DENND1B: variants seen among roughly 807,000 people sequenced by gnomAD.
DENND1B encodes the protein DENN domain containing 1B, also known as DENN domain-containing protein 1B.
DENND1B carries 59 observed loss-of-function variants against 90.1 expected under a neutral mutation model. The ratio of observed to expected loss-of-function variants is 0.65; its 90% CI spans 0.53 to 0.81. The LOEUF (loss-of-function observed/expected upper bound fraction) is 0.81. Among genes scored for constraint, DENND1B ranks in the 40% least tolerant of loss-of-function variants. The probability of loss-of-function intolerance (pLI) is 0.00; values close to 1 mark genes in which losing one functional copy is unlikely to be tolerated. For synonymous variants in DENND1B, 337 were observed against 324.6 expected (o/e 1.04, Z -0.41); for missense variants, 862 against 912.6 (o/e 0.94, Z 0.71).
At chr1:197,605,192 T>G (rs999654902) in intron 13 of DENND1B, among the ~76,000 whole-genome samples, 1 of 151,016 alleles carries the variant, frequency 6.6e-6, no homozygotes, top group Non-Finnish European at 1.5e-5. Flanking sequence ...AGATAGTCTC[T>G]TCTGTCATTT....
At chr1:197,610,141 C>T (rs1183140924) in intron 12 of DENND1B, among the ~76,000 whole-genome samples, 2 of 150,644 alleles carry the variant, frequency 1.3e-5, no homozygotes, top group African/African-American at 4.9e-5. Flanking sequence ...TAAAATAAGG[C>T]TGACTATTAA....
intron 10 of DENND1B, among the ~76,000 whole-genome samples, chr1:197,639,599 A>T (rs1680100470): frequency 6.6e-6 from 1 of 152,164 alleles, no homozygotes; most frequent in Non-Finnish European, 1.5e-5. Context: ...TTCCTCTAAA[A>T]ATTAAGAGTT....
intron 2 of DENND1B, chr1:197,735,771 C>T: frequency 6.2e-7 from 1 of 1,611,664 alleles, no homozygotes; most frequent in Non-Finnish European, 8.5e-7. Context: ...CAGGGGGAAT[C>T]CTCGGCAGAT....
At chr1:197,536,751 T>A (rs1453091527) in intron 20 of DENND1B, among the ~76,000 whole-genome samples, 1 of 152,090 alleles carries the variant, frequency 6.6e-6, no homozygotes, top group African/African-American at 2.4e-5. Flanking sequence ...TTAAGATATA[T>A]ACAACACAGA....
chr1:197,633,253 T>C (rs989247907), intron 10 of DENND1B, among the ~76,000 whole-genome samples: 2 of 152,208 alleles, frequency 1.3e-5, no homozygotes, highest in African/African-American at 4.8e-5. Context: ...ATTTGTTTTA[T>C]TGTACAGGAA....
chr1:197,511,102 T>C (rs1667998628), intron 22 of DENND1B, 130 bp from the exon 23 acceptor site: 1 of 990,908 alleles, frequency 1.0e-6, no homozygotes. Flanking sequence ...TGAGAGTCAA[T>C]TTTAAACATT....
intron 3 of DENND1B, among the ~76,000 whole-genome samples, chr1:197,680,047 T>C (rs912852845): frequency 2.0e-5 from 3 of 152,016 alleles, no homozygotes; most frequent in Admixed American, 6.6e-5. Flanking sequence ...CTGCTCAAGA[T>C]GTTGAGGTGG....
chr1:197,664,700 G>A (rs1654766330), intron 5 of DENND1B, among the ~76,000 whole-genome samples: 2 of 152,112 alleles, frequency 1.3e-5, no homozygotes, highest in African/African-American at 4.8e-5. Context: ...ATAAAACTAA[G>A]GAAACTGCCT....
At chr1:197,735,512 T>C (rs1026845513) in intron 2 of DENND1B, 10 of 1,604,096 alleles carry the variant, frequency 6.2e-6, no homozygotes, top group Middle Eastern at 1.6e-4. Flanking sequence ...AGTTTATGTT[T>C]ACTTTAGTGT....
chr1:197,608,381 T>C (rs1639700758), intron 12 of DENND1B, among the ~76,000 whole-genome samples: 1 of 150,628 alleles, frequency 6.6e-6, no homozygotes, highest in South Asian at 2.1e-4. Flanking sequence ...ATTTCTAAGA[T>C]ATTAGCAGCG....
At chr1:197,527,312 G>GT (rs148417732) in intron 20 of DENND1B, among the ~76,000 whole-genome samples, 65,792 of 140,754 alleles carry the variant, frequency 0.47, 15,725 homozygotes, top group Middle Eastern at 0.58. Flanking sequence ...GTTTTTTTTT[G>GT]TTTTTGTTTT....
In DENND1B at chr1:197,553,025, C is replaced by T. The variant is rs1405659204; in HGVS notation, c.1237G>A (p.Gly413Arg). ...EEEITSGGFC[G>R]GNPRSYQQWV... ...TCATATTGTAACTTGTCTTTACCTC[C>T]ACAAAAGCCACCTGAAGTGATCTCT... Residue 413 changes from glycine (G) to arginine (R), a missense_variant, in exon 16 of 23, where the codon GGA (glycine) becomes AGA (arginine). Coordinates refer to ENST00000620048, the MANE Select transcript of DENND1B (RefSeq NM_001195215.2). 1.9e-6 allele frequency: 3 copies of T among 1,571,996 alleles called. No individual in the cohort carries two copies. Among genetic ancestry groups the T allele is most frequent in the South Asian group, 2.4e-5 (2 of 82,556 alleles).
chr1:197,528,259 A>G (rs1456044162), intron 20 of DENND1B, among the ~76,000 whole-genome samples: 1 of 152,210 alleles, frequency 6.6e-6, no homozygotes, highest in Admixed American at 6.5e-5. Flanking sequence ...ATAAGATGCT[A>G]ACATATTGAG....
chr1:197,772,303 G>T (rs1656726634), intron 2 of DENND1B, among the ~76,000 whole-genome samples: 1 of 152,184 alleles, frequency 6.6e-6, no homozygotes, highest in South Asian at 2.1e-4. Context: ...AAGCTGAGTT[G>T]TAAGTTATAT....
At chr1:197,615,124 T>C (rs550641176) in intron 11 of DENND1B, among the ~76,000 whole-genome samples, 20 of 151,238 alleles carry the variant, frequency 1.3e-4, no homozygotes, top group African/African-American at 4.3e-4. Flanking sequence ...AGTATTACAC[T>C]GTGCTGTGTG....
intron 13 of DENND1B, among the ~76,000 whole-genome samples, chr1:197,601,565 G>T (rs1445473464): frequency 6.6e-6 from 1 of 151,566 alleles, no homozygotes; most frequent in Non-Finnish European, 1.5e-5. Flanking sequence ...AAAGAAGCAT[G>T]GGAGGAAGAC....
chr1:197,781,424 C>T, the DENND1B span, among the ~76,000 whole-genome samples: 15 of 152,148 alleles, frequency 9.9e-5, no homozygotes, highest in Admixed American at 7.2e-4. Context: ...ATTTAACAAA[C>T]TGAATTTATT....
intron 3 of DENND1B, 39 bp downstream of exon 3, chr1:197,714,992 T>G (rs761725249): frequency 6.6e-7 from 1 of 1,512,372 alleles, no homozygotes; most frequent in Non-Finnish European, 9.2e-7. Flanking sequence ...ATCATAATAC[T>G]TCAACTTTAA....
At chr1:197,723,388 G>C (rs939372178) in intron 2 of DENND1B, among the ~76,000 whole-genome samples, 2 of 151,900 alleles carry the variant, frequency 1.3e-5, no homozygotes, top group African/African-American at 2.4e-5. Context: ...CATGGTAATC[G>C]AACCATCAAC....
Sources: allele counts gnomAD v4.1 joint callset (sites outside exome capture counted in the v4.1 genomes callset), GRCh38; gene constraint gnomAD v4.1.1; transcripts MANE v1.5; gene names NCBI Gene and HGNC (gene_info 2026-07-23, HGNC 2026-07-21).